KCNAB1: variants seen among roughly 807,000 people sequenced by gnomAD.
The protein encoded by KCNAB1 is voltage-gated potassium channel subunit beta-1.
KCNAB1 carries 35 observed loss-of-function variants against 64.6 expected under a neutral mutation model. That is an observed-to-expected ratio of 0.54 (90% CI 0.41 to 0.72). The LOEUF (loss-of-function observed/expected upper bound fraction) is 0.72, where lower values mean the gene tolerates loss of function less well. Among genes scored for constraint, KCNAB1 ranks in the 30% least tolerant of loss-of-function variants. The pLI is 0.00. For synonymous variants in KCNAB1, 177 were observed against 183.8 expected, an observed-to-expected ratio of 0.96 and a Z score of 0.30; for missense variants, 401 against 512.9, an observed-to-expected ratio of 0.78 and a Z score of 2.11.
chr3:156,298,159 G>A (rs975611715), intron 1 of KCNAB1, among the ~76,000 whole-genome samples: 4 of 152,192 alleles, frequency 2.6e-5, no homozygotes, highest in African/African-American at 9.7e-5. Flanking sequence ...TCAGAAGTCT[G>A]GCATCCATGG....
At chr3:156,379,388 A>C (rs1271203403) in intron 1 of KCNAB1, among the ~76,000 whole-genome samples, 2 of 152,234 alleles carry the variant, frequency 1.3e-5, no homozygotes, top group East Asian at 3.8e-4. Flanking sequence ...AGTGCTATAC[A>C]TAAAGATAGA....
intron 1 of KCNAB1, among the ~76,000 whole-genome samples, chr3:156,412,941 A>T (rs1714776935): frequency 6.6e-6 from 1 of 152,212 alleles, no homozygotes; most frequent in South Asian, 2.1e-4. Context: ...TGACATTCTG[A>T]ATTTGAAATA....
chr3:156,167,126 A>G (rs1487412883), intron 1 of KCNAB1, among the ~76,000 whole-genome samples: 1 of 152,198 alleles, frequency 6.6e-6, no homozygotes, highest in Non-Finnish European at 1.5e-5. Flanking sequence ...CACCATGTCC[A>G]CATACCCAGA....
chr3:156,141,208 A>G (rs1190324729), intron 1 of KCNAB1, among the ~76,000 whole-genome samples: 1 of 152,120 alleles, frequency 6.6e-6, no homozygotes, highest in East Asian at 1.9e-4. Flanking sequence ...CAATCAGGAA[A>G]CTGATGATGA....
At chr3:156,122,378 C>T (rs912654140) in intron 1 of KCNAB1, among the ~76,000 whole-genome samples, 3 of 152,084 alleles carry the variant, frequency 2.0e-5, no homozygotes, top group Non-Finnish European at 4.4e-5. Flanking sequence ...TGCGATATAC[C>T]AGAAATTTCC....
Position 156,387,014 on chromosome 3 carries a change from C to CTCTTTTTTTTTTTTTTTTT in KCNAB1, c.276-34601_276-34600insCTTTTTTTTTTTTTTTTTT, listed in dbSNP as rs60888308. 2.6e-3 allele frequency among the ~76,000 whole-genome samples: 233 copies of CTCTTTTTTTTTTTTTTTTT among 90,474 alleles called. 16 individuals are homozygous for CTCTTTTTTTTTTTTTTTTT. Among genetic ancestry groups the CTCTTTTTTTTTTTTTTTTT allele is most frequent in the Middle Eastern group, 6.4e-3 (1 of 156 alleles). 59.4% of individuals were successfully genotyped at this position (90,474 alleles called of 152,430 possible). On this transcript the variant is annotated intron_variant, in intron 1 of 13. Coordinates refer to ENST00000490337, the MANE Select transcript of KCNAB1 (RefSeq NM_172160.3). ...TCTTGCTTGCTTGCTTTCTCTCTCT[C>CTCTTTTTTTTTTTTTTTTT]TTTTTTTTTTTTTTTTTTTTGCCTG...
chr3:156,171,955 A>G (rs549745093), intron 1 of KCNAB1, among the ~76,000 whole-genome samples: 4 of 152,366 alleles, frequency 2.6e-5, no homozygotes, highest in African/African-American at 9.6e-5. Context: ...GGCTGTGTAT[A>G]TCAGCCAAGG....
intron 1 of KCNAB1, among the ~76,000 whole-genome samples, chr3:156,328,398 C>T (rs577541971): frequency 6.6e-5 from 10 of 152,240 alleles, no homozygotes; most frequent in Admixed American, 1.3e-4. Context: ...ACACCTCTTA[C>T]GGACACTGAT....
rs573429785 is a variant in KCNAB1, at chr3:156,206,904, A to G, written c.275+86018A>G. Among the ~76,000 whole-genome samples the G allele has an allele frequency of 9.0e-3, 1,366 of 152,336 alleles. 30 individuals are homozygous for G. Among genetic ancestry groups the G allele is most frequent in the African/African-American group, 0.03 (1,265 of 41,564 alleles). On this transcript the variant is annotated intron_variant, in intron 1 of 13. Coordinates refer to ENST00000490337, the MANE Select transcript of KCNAB1 (RefSeq NM_172160.3). ...AAGCAAAGGACTTACACAAGAAAAA[A>G]TCAGGAATTTCTGTTTCTCATTTAT...
At chr3:156,516,540 A>G (rs1717579516) in intron 11 of KCNAB1, among the ~76,000 whole-genome samples, 176 bp downstream of exon 11, 1 of 152,216 alleles carries the variant, frequency 6.6e-6, no homozygotes, top group Non-Finnish European at 1.5e-5. Flanking sequence ...CTGGCCAGGT[A>G]TCAGTCAGTC....
intron 8 of KCNAB1, among the ~76,000 whole-genome samples, chr3:156,486,679 C>T (rs1305514500): frequency 6.6e-6 from 1 of 151,646 alleles, no homozygotes; most frequent in African/African-American, 2.4e-5. Context: ...CTTCTTGAGT[C>T]CTGCCCTTCA....
At chr3:156,523,038 T>A (rs1718061459) in intron 11 of KCNAB1, among the ~76,000 whole-genome samples, 2 of 152,252 alleles carry the variant, frequency 1.3e-5, no homozygotes, top group Non-Finnish European at 2.9e-5. Flanking sequence ...AACTAAGGCA[T>A]TGAGAAGTTC....
In KCNAB1 at chr3:156,176,892, C is replaced by A; in HGVS notation, c.275+56006C>A. On this transcript the variant is annotated intron_variant, in intron 1 of 13. Transcript: ENST00000490337. ...GACCAGCGGTAACTCTGGGCCTGTA[C>A]GCTTCTGCTGTTCTATCATGGCGGC... 6 of 1,141,192 alleles carry A rather than the reference C, an allele frequency of 5.3e-6. No individual in the cohort carries two copies. The South Asian group carries it at 6.8e-5, about 13-fold the overall frequency. The allele number at this position is 1,141,192 out of a possible 1,614,324, so 70.7% of individuals were successfully genotyped here. A position where few individuals can be genotyped will look rare whatever the true frequency, so the allele number is the denominator to read the frequency against.
intron 7 of KCNAB1, among the ~76,000 whole-genome samples, chr3:156,466,712 C>T (rs1349902864): frequency 6.6e-6 from 1 of 151,918 alleles, no homozygotes; most frequent in African/African-American, 2.4e-5. Context: ...TGGTGCATTA[C>T]TTTTGCAAGG....
chr3:156,150,094 C>T (rs1046751252), intron 1 of KCNAB1, among the ~76,000 whole-genome samples: 11 of 152,144 alleles, frequency 7.2e-5, no homozygotes, highest in Non-Finnish European at 1.5e-4. Flanking sequence ...TGTTTTTCTC[C>T]TTGCATCAAT....
intron 8 of KCNAB1, among the ~76,000 whole-genome samples, chr3:156,481,716 G>A (rs1714819106): frequency 1.3e-5 from 2 of 152,116 alleles, no homozygotes; most frequent in African/African-American, 2.4e-5. Flanking sequence ...TCTGCAGAGT[G>A]GACTAGGGCA....
chr3:156,204,347 T>A (rs903382474), intron 1 of KCNAB1, among the ~76,000 whole-genome samples: 5 of 152,186 alleles, frequency 3.3e-5, no homozygotes, highest in Admixed American at 6.5e-5. Context: ...CAGGGTCTCA[T>A]TCACTAACTT....
chr3:156,261,569 T>C (rs1218978358), intron 1 of KCNAB1, among the ~76,000 whole-genome samples: 1 of 152,058 alleles, frequency 6.6e-6, no homozygotes, highest in Admixed American at 6.5e-5. Flanking sequence ...TAAGAAATTA[T>C]TACTAAGTCT....
chr3:156,537,228 T>C lies in KCNAB1; in HGVS notation c.*481T>C. 2 of 344,310 alleles carry C rather than the reference T, an allele frequency of 5.8e-6. No individual in the cohort carries two copies. Among genetic ancestry groups the C allele is most frequent in the African/African-American group, 2.9e-5 (1 of 34,612 alleles). 21.3% of individuals were successfully genotyped at this position (344,310 alleles called of 1,614,324 possible). A position where few individuals can be genotyped will look rare whatever the true frequency, so the allele number is the denominator to read the frequency against. Reference sequence around the variant, plus strand: ...TTGTTAAGTAAATAGTTATTAAAAATATATCTCACTGCAAAAAAAAAAAAG... The same window carrying C: ...TTGTTAAGTAAATAGTTATTAAAAACATATCTCACTGCAAAAAAAAAAAAG... On this transcript the variant is annotated 3_prime_UTR_variant, in exon 14 of 14. Transcript: ENST00000490337.
Sources: allele counts gnomAD v4.1 joint callset (sites outside exome capture counted in the v4.1 genomes callset), GRCh38; gene constraint gnomAD v4.1.1; transcripts MANE v1.5; gene names NCBI Gene and HGNC (gene_info 2026-07-23, HGNC 2026-07-21).